The following ADARB2 variants were observed in gnomAD, a reference collection of about 807,000 sequenced individuals.
ADARB2 encodes the protein adenosine deaminase RNA specific B2 (inactive).
A neutral mutation model predicts 62.2 loss-of-function variants in ADARB2; 25 were observed. That is an observed-to-expected ratio of 0.40 (90% CI 0.29 to 0.56). The LOEUF is 0.56. Among genes scored for constraint, ADARB2 ranks in the 20% least tolerant of loss-of-function variants. ADARB2 has a pLI of 0.43. For missense variants in ADARB2, 1,071 were observed against 1,077.4 expected (o/e 0.99, Z 0.08); for synonymous variants, 572 against 500.8 (o/e 1.14, Z -1.90).
chr10:1,438,832 A>C (rs1399653539), intron 1 of ADARB2, among the ~76,000 whole-genome samples: 59 of 131,762 alleles, frequency 4.5e-4, no homozygotes, highest in African/African-American at 1.7e-3. Context: ...AGATGGAGGC[A>C]GGTCCTTCAC....
chr10:1,647,852 ATGTGTATGTG>A (rs1370472395), intron 1 of ADARB2, among the ~76,000 whole-genome samples: 3 of 151,594 alleles, frequency 2.0e-5, no homozygotes, highest in African/African-American at 2.4e-5. Flanking sequence ...ATGTGTGTAT[ATGTGTATGTG>A]TGTGTATGTG....
At chr10:1,724,019 T>A (rs962208625) in intron 1 of ADARB2, among the ~76,000 whole-genome samples, 5 of 152,200 alleles carry the variant, frequency 3.3e-5, no homozygotes, top group African/African-American at 1.2e-4. Flanking sequence ...TTTCTGTGGT[T>A]TTCTCTCTGT....
intron 1 of ADARB2, among the ~76,000 whole-genome samples, chr10:1,659,341 A>G (rs1588342127): frequency 6.6e-6 from 1 of 152,274 alleles, no homozygotes; most frequent in East Asian, 1.9e-4. Flanking sequence ...TGCTGCTCAC[A>G]TCCCCGTCCT....
rs550600995 is a variant in ADARB2, at chr10:1,241,792, G to A, written c.1361+339C>T. Among the ~76,000 whole-genome samples, 8 of 152,306 alleles carry A rather than the reference G, an allele frequency of 5.3e-5. No individual in the cohort carries two copies. The East Asian group carries it at 9.6e-4, about 18-fold the overall frequency. On this transcript the variant is annotated intron_variant, in intron 5 of 9. Coordinates refer to ENST00000381312, the MANE Select transcript of ADARB2 (RefSeq NM_018702.4). ...TGCACTCACGTTCTCTGAGGGCAAC[G>A]GCGGAAAAGGGGGCAGTGCAGGAAT...
intron 1 of ADARB2, among the ~76,000 whole-genome samples, chr10:1,672,627 A>G (rs1454324626): frequency 3.1e-5 from 2 of 63,810 alleles, no homozygotes; most frequent in South Asian, 6.1e-4. Flanking sequence ...CCATGGACAC[A>G]CTTTCCCCTC....
intron 1 of ADARB2, among the ~76,000 whole-genome samples, chr10:1,548,460 T>G (rs1181672349): frequency 6.6e-6 from 1 of 152,198 alleles, no homozygotes; most frequent in Non-Finnish European, 1.5e-5. Flanking sequence ...TTCACTGACA[T>G]GGTGAATACA....
chr10:1,597,424 GA>G lies in ADARB2; in HGVS notation c.100+139626del, dbSNP rs997383944. On this transcript the variant is annotated intron_variant, in intron 1 of 9. Coordinates refer to ENST00000381312, the MANE Select transcript of ADARB2 (RefSeq NM_018702.4). ...TACAAGGAGCTCAAACAACTCAACAGAAAAAAAATAACCTCATTAAAAAGTG... is the reference window on the plus strand; with the variant it reads ...TACAAGGAGCTCAAACAACTCAACAGAAAAAAATAACCTCATTAAAAAGTG... 7.6e-4 allele frequency among the ~76,000 whole-genome samples: 115 copies of G among 151,684 alleles called. 1 individual carries two copies. The highest frequency in any genetic ancestry group is 2.1e-4 in the South Asian group (1 of 4,794).
chr10:1,276,986 C>T (rs1333374981), intron 3 of ADARB2, among the ~76,000 whole-genome samples: 2 of 152,164 alleles, frequency 1.3e-5, no homozygotes, highest in Non-Finnish European at 2.9e-5. Flanking sequence ...GGAAACTGAA[C>T]AACCTGCTCC....
chr10:1,487,407 C>T (rs1324777149), intron 1 of ADARB2, among the ~76,000 whole-genome samples: 1 of 152,218 alleles, frequency 6.6e-6, no homozygotes, highest in East Asian at 1.9e-4. Flanking sequence ...TCTTGCTGGT[C>T]TGGGAGCTGG....
At chr10:1,198,281 A>G (rs1836937441) in intron 8 of ADARB2, among the ~76,000 whole-genome samples, 1 of 152,224 alleles carries the variant, frequency 6.6e-6, no homozygotes, top group African/African-American at 2.4e-5. Context: ...TTCTGCTAAT[A>G]CATAATCTTC....
intron 1 of ADARB2, among the ~76,000 whole-genome samples, chr10:1,686,787 A>G (rs984071633): frequency 1.3e-5 from 2 of 152,236 alleles, no homozygotes; most frequent in Admixed American, 6.5e-5. Context: ...TACTATTATA[A>G]GTATCATATT....
intron 1 of ADARB2, among the ~76,000 whole-genome samples, chr10:1,637,879 C>T (rs1833934805): frequency 6.6e-6 from 1 of 152,162 alleles, no homozygotes; most frequent in Non-Finnish European, 1.5e-5. Context: ...ATCAGGGGTG[C>T]TGAATGGAAA....
At chr10:1,430,099 A>C (rs980816925) in intron 1 of ADARB2, among the ~76,000 whole-genome samples, 5 of 150,972 alleles carry the variant, frequency 3.3e-5, no homozygotes, top group African/African-American at 9.7e-5. Flanking sequence ...TGGATTTAGA[A>C]AGTATGGAGT....
chr10:1,619,271 A>T (rs1397960032), intron 1 of ADARB2, among the ~76,000 whole-genome samples: 1 of 147,782 alleles, frequency 6.8e-6, no homozygotes, highest in Admixed American at 7.0e-5. Context: ...AGAATCAAAG[A>T]CACAAATACA....
chr10:1,363,754 C>T lies in ADARB2; in HGVS notation c.351G>A (p.Trp117Ter), dbSNP rs891937023. The change falls in exon 3 of 10, where the codon TGG (tryptophan) becomes TGA (stop). Residue 117 changes from tryptophan to a stop codon, truncating the protein, a stop_gained. Transcript: ENST00000381312. LOFTEE classifies it high-confidence loss of function. ...GCGCCACCGACCACGACAGCTTCTT[C>T]CAGACCAGCTGCAGTTTGCACAAGT... ...GGHLCKLQLVWKKLSWSVAPK... is the reference protein window; with the variant it reads ...GGHLCKLQLV 1.2e-6 allele frequency: 2 copies of T among 1,606,714 alleles called. No individual in the cohort carries two copies. Among genetic ancestry groups the T allele is most frequent in the Non-Finnish European group, 1.7e-6 (2 of 1,179,428 alleles).
chr10:1,495,801 C>A (rs1433303883), intron 1 of ADARB2, among the ~76,000 whole-genome samples: 2 of 150,190 alleles, frequency 1.3e-5, no homozygotes, highest in Non-Finnish European at 3.0e-5. Flanking sequence ...AACATCATCA[C>A]CATCATCATC....
chr10:1,645,564 C>T (rs1320019296), intron 1 of ADARB2, among the ~76,000 whole-genome samples: 1 of 152,226 alleles, frequency 6.6e-6, no homozygotes, highest in African/African-American at 2.4e-5. Context: ...CTCACCTGGT[C>T]TAAGGATGCC....
In ADARB2 at chr10:1,242,287, C is replaced by A. The variant is rs772619757; in HGVS notation, c.1205G>T (p.Arg402Leu). 5.1e-6 allele frequency: 8 copies of A among 1,561,814 alleles called. No homozygotes were observed. In the South Asian group the frequency reaches 9.4e-5, roughly 18 times the overall value. Residue 402 changes from arginine to leucine, a missense_variant, in exon 5 of 10, where the codon CGG (arginine) becomes CTG (leucine). Transcript: ENST00000381312. ...GIVMTKGLDA[R>L]QAQVVALSSG... ...GGACAGGGCCACGACCTGCGCCTGC[C>A]GAGCATCCAGGCCTGGGGACACAGA...
intron 1 of ADARB2, among the ~76,000 whole-genome samples, chr10:1,501,552 T>A (rs144248420): frequency 0.012 from 1,880 of 152,310 alleles, 20 homozygotes; most frequent in Middle Eastern, 0.037. Flanking sequence ...AACCAATTCA[T>A]GTGTCTGTTT....
Sources: gnomAD v4.1 joint callset for allele counts (sites outside exome capture counted in the v4.1 genomes callset) on GRCh38, gnomAD v4.1.1 for gene constraint, MANE v1.5 for transcripts, NCBI Gene and HGNC (gene_info 2026-07-23, HGNC 2026-07-21) for gene names.